The following STS variants were observed in gnomAD, a reference collection of about 807,000 sequenced individuals.
STS encodes the protein steroid sulfatase, also known as steryl-sulfatase.
In STS, 7 loss-of-function variants were observed where a neutral mutation model predicts 26.8. That is an observed-to-expected ratio of 0.26 (90% CI 0.15 to 0.49). The LOEUF (loss-of-function observed/expected upper bound fraction) is 0.49, where lower values mean the gene tolerates loss of function less well. Ranked by LOEUF, STS falls within the 20% of genes least tolerant of loss-of-function variation. The pLI is 0.98. For missense variants in STS, 434 were observed against 465.6 expected (o/e 0.93, Z 0.63); for synonymous variants, 199 against 189.4 (o/e 1.05, Z -0.42).
chrX:7,187,213 T>A (rs1288371853), intron 1 of STS, among the ~76,000 whole-genome samples: 1 of 112,333 alleles, frequency 8.9e-6, no homozygotes, highest in Non-Finnish European at 1.9e-5. Context: ...CTCGGCACCA[T>A]ACTCTATGTC....
chrX:7,163,378 A>ACTGTTTTGAGTCTGTTCTCAG (rs1933288527), intron 1 of STS, among the ~76,000 whole-genome samples: 1 of 112,668 alleles, frequency 8.9e-6, no homozygotes, highest in African/African-American at 3.2e-5. Flanking sequence ...TGTGGAGATC[A>ACTGTTTTGAGTCTGTTCTCAG]CTGTTTTGAG....
intron 1 of STS, among the ~76,000 whole-genome samples, chrX:7,169,571 T>C (rs1276377605): frequency 2.7e-5 from 3 of 112,063 alleles, no homozygotes; most frequent in African/African-American, 9.7e-5. Context: ...CTGGGTCATA[T>C]GGTAATTCAA....
At chrX:7,279,413 CTGTGTGTGTG>C (rs60649361) in intron 7 of STS, among the ~76,000 whole-genome samples, 5 of 80,054 alleles carry the variant, frequency 6.2e-5, no homozygotes, top group South Asian at 6.8e-4. Context: ...GTGTGTGTGT[CTGTGTGTGTG>C]TGTGTGTGTG....
chrX:7,155,242 A>G (rs1157677511), intron 1 of STS, among the ~76,000 whole-genome samples: 1 of 112,087 alleles, frequency 8.9e-6, no homozygotes, highest in African/African-American at 3.2e-5. Context: ...AAAAGAACAT[A>G]ATATCTCCTT....
intron 6 of STS, among the ~76,000 whole-genome samples, chrX:7,268,870 C>T (rs1472461716): frequency 2.7e-5 from 3 of 109,505 alleles, no homozygotes; most frequent in African/African-American, 6.7e-5. Flanking sequence ...AAATATTAGC[C>T]GGGCATGGTG....
chrX:7,188,790 G>T (rs1324781808), intron 1 of STS, among the ~76,000 whole-genome samples: 2 of 111,503 alleles, frequency 1.8e-5, no homozygotes, highest in Non-Finnish European at 3.8e-5. Flanking sequence ...TTCTTATCTC[G>T]CAAGGAGAGA....
intron 2 of STS, among the ~76,000 whole-genome samples, chrX:7,222,775 T>A (rs1341754657): frequency 5.4e-5 from 6 of 111,261 alleles, no homozygotes; most frequent in Non-Finnish European, 1.1e-4. Flanking sequence ...TTTTATATAT[T>A]TAGGGGGTAC....
At chrX:7,159,114 C>CT (rs1171153138) in intron 1 of STS, among the ~76,000 whole-genome samples, 53 of 107,264 alleles carry the variant, frequency 4.9e-4, no homozygotes, top group African/African-American at 1.6e-3. Flanking sequence ...TCAGATTAGG[C>CT]TTTTTTTTTT....
At position 7,192,588 on chromosome X, in the gene STS, G is replaced by A. The variant is rs780355777; in HGVS notation, c.-5+1580G>A. Among the ~76,000 whole-genome samples the A allele has an allele frequency of 6.4e-5, 7 of 109,885 alleles. No individual in the cohort carries two copies. In the South Asian group the frequency reaches 2.0e-3, roughly 31 times the overall value. Reference sequence around the variant, plus strand: ...CAAAAAAAAAAAAAAATAGATGAACGGCAGTTTCATAGGGTGCTTATGAAA... The same window carrying A: ...CAAAAAAAAAAAAAAATAGATGAACAGCAGTTTCATAGGGTGCTTATGAAA... On this transcript the variant is annotated intron_variant, in intron 2 of 10. Transcript: ENST00000674429.
intron 6 of STS, among the ~76,000 whole-genome samples, chrX:7,265,321 T>G (rs1329886419): frequency 8.9e-6 from 1 of 112,164 alleles, no homozygotes; most frequent in Non-Finnish European, 1.9e-5. Flanking sequence ...CAGCGTCCAT[T>G]ATACAATGGA....
intron 1 of STS, among the ~76,000 whole-genome samples, chrX:7,183,700 G>A (rs1207764366): frequency 8.9e-6 from 1 of 112,086 alleles, no homozygotes; most frequent in African/African-American, 3.2e-5. Context: ...TCACCAATTA[G>A]CTCTTTCAAA....
rs771642914 is a variant in STS, at chrX:7,351,881, C to T, written c.*1620C>T. 9.2e-6 allele frequency: 1 copy of T among 108,335 alleles called. No homozygotes were observed. Among genetic ancestry groups the T allele is most frequent in the Non-Finnish European group, 1.9e-5 (1 of 52,277 alleles). 8.9% of individuals were successfully genotyped at this position (108,335 alleles called of 1,213,427 possible). On this transcript the variant is annotated 3_prime_UTR_variant, in exon 11 of 11. Coordinates refer to ENST00000674429, the MANE Select transcript of STS (RefSeq NM_001320752.2). ...GGGCTGGGAGGATTTGACAGCATTT[C>T]CCCAGTTGCCCTTTAAGTTCTTCTA...
chrX:7,148,145 G>A (rs1407198770), intron 1 of STS, 62 bp downstream of exon 1: 13 of 1,044,671 alleles, frequency 1.2e-5, no homozygotes, highest in Non-Finnish European at 1.7e-5. Flanking sequence ...GTGGGGGCGA[G>A]GAGGAAGTGC....
chrX:7,213,473 A>G (rs1392318437), intron 2 of STS, among the ~76,000 whole-genome samples: 2 of 111,455 alleles, frequency 1.8e-5, no homozygotes, highest in Non-Finnish European at 3.8e-5. Flanking sequence ...AAAGGCAGGC[A>G]GGAGGGCAGG....
intron 2 of STS, among the ~76,000 whole-genome samples, chrX:7,231,975 A>G (rs902002975): frequency 1.8e-5 from 2 of 110,461 alleles, no homozygotes; most frequent in Non-Finnish European, 3.8e-5. Context: ...TATAACTTTA[A>G]ATTTGTTTTT....
At chrX:7,181,409 A>C (rs1370342500) in intron 1 of STS, among the ~76,000 whole-genome samples, 4 of 112,717 alleles carry the variant, frequency 3.5e-5, no homozygotes, top group African/African-American at 9.7e-5. Flanking sequence ...TAATAAAGGA[A>C]GTGCAGGGCA....
At chrX:7,279,039 C>T (rs1480099982) in intron 7 of STS, among the ~76,000 whole-genome samples, 4 of 110,388 alleles carry the variant, frequency 3.6e-5, no homozygotes, top group African/African-American at 9.9e-5. Flanking sequence ...CATGGGGGCT[C>T]ACACCTGTAA....
At chrX:7,305,228 C>T (rs372892966) in intron 8 of STS, 45 bp downstream of exon 8, 14 of 1,200,456 alleles carry the variant, frequency 1.2e-5, no homozygotes, top group South Asian at 1.1e-4. Flanking sequence ...TCAGCTCATC[C>T]GCTGGTCACT....
intron 2 of STS, among the ~76,000 whole-genome samples, chrX:7,233,623 CA>C (rs1922177807): frequency 9.0e-6 from 1 of 111,358 alleles, no homozygotes; most frequent in African/African-American, 3.3e-5. Flanking sequence ...TATAGATAAT[CA>C]CAGCTGTATG....
Sources: gnomAD v4.1 joint callset for allele counts (sites outside exome capture counted in the v4.1 genomes callset) on GRCh38, gnomAD v4.1.1 for gene constraint, MANE v1.5 for transcripts, NCBI Gene and HGNC (gene_info 2026-07-23, HGNC 2026-07-21) for gene names.